The following FRAS1 variants were observed in gnomAD, a reference collection of about 807,000 sequenced individuals.
FRAS1 encodes extracellular matrix organizing protein FRAS1.
A neutral mutation model predicts 435.2 loss-of-function variants in FRAS1; 290 were observed. The observed-to-expected ratio is 0.67, with a 90% confidence interval of 0.61 to 0.73. The LOEUF is 0.73. Ranked by LOEUF, FRAS1 falls within the 30% of genes least tolerant of loss-of-function variation. FRAS1 has a pLI of 0.00. For missense variants in FRAS1, 4,860 were observed against 5,001.5 expected (o/e 0.97, Z 0.85); for synonymous variants, 1,800 against 1,851.0 (o/e 0.97, Z 0.71).
At chr4:78,171,416 G>GTATAATGTTT (rs764599395) in intron 2 of FRAS1, among the ~76,000 whole-genome samples, 1 of 152,064 alleles carries the variant, frequency 6.6e-6, no homozygotes, top group Non-Finnish European at 1.5e-5. Flanking sequence ...AAAATATATA[G>GTATAATGTTT]TATAATGTTT....
intron 2 of FRAS1, among the ~76,000 whole-genome samples, chr4:78,118,826 C>G (rs564306029): frequency 6.6e-6 from 1 of 152,304 alleles, no homozygotes; most frequent in East Asian, 1.9e-4. Flanking sequence ...ACTCACTGTC[C>G]TGCACCCACT....
At chr4:78,064,626 A>G (rs1465227535) in intron 1 of FRAS1, among the ~76,000 whole-genome samples, 3 of 152,066 alleles carry the variant, frequency 2.0e-5, no homozygotes, top group African/African-American at 7.2e-5. Flanking sequence ...AAAAAAAAGA[A>G]TATCAGGGAC....
At chr4:78,062,404 A>G (rs1739799875) in intron 1 of FRAS1, among the ~76,000 whole-genome samples, 1 of 152,204 alleles carries the variant, frequency 6.6e-6, no homozygotes, top group Non-Finnish European at 1.5e-5. Context: ...TTATAACACA[A>G]CATAAAGCCT....
chr4:78,391,412 C>T (rs1017933163), intron 29 of FRAS1, among the ~76,000 whole-genome samples: 4 of 152,160 alleles, frequency 2.6e-5, no homozygotes, highest in East Asian at 3.8e-4. Context: ...AACAGGCTTT[C>T]ATTAATTGGG....
intron 2 of FRAS1, among the ~76,000 whole-genome samples, chr4:78,117,478 G>T (rs547907307): frequency 6.6e-6 from 1 of 152,164 alleles, no homozygotes; most frequent in Admixed American, 6.5e-5. Context: ...CCAATCAGAC[G>T]TAGATTTGGT....
intron 14 of FRAS1, among the ~76,000 whole-genome samples, chr4:78,287,489 G>A (rs1727668273): frequency 6.6e-6 from 1 of 152,136 alleles, no homozygotes; most frequent in African/African-American, 2.4e-5. Flanking sequence ...GATAGACCAG[G>A]GGAAGGTCTT....
rs545662949 is a variant in FRAS1, at chr4:78,057,340, C to G, written c.-670C>G. 4.5e-4 allele frequency among the ~76,000 whole-genome samples: 69 copies of G among 152,264 alleles called. 1 individual carries two copies. The highest frequency in any genetic ancestry group is 1.4e-3 in the African/African-American group (59 of 41,560). ...CCCCCAGTCTTTCCTCTGAAGCTTC[C>G]GAACAGTCTGCTTCAGGGAGCGCAG... is the stretch of plus-strand genomic sequence containing the variant. On this transcript the variant is annotated 5_prime_UTR_variant, in exon 1 of 74. Transcript: ENST00000512123. This position sits in a 1 kb window ranked among gnomAD's most constrained non-coding sequence, Gnocchi z 4.2.
chr4:78,315,846 A>G, intron 16 of FRAS1, 112 bp downstream of exon 16: 1 of 1,166,676 alleles, frequency 8.6e-7, no homozygotes, highest in Non-Finnish European at 1.2e-6. Flanking sequence ...GGGAAAGCAT[A>G]ACTTTAAAAG....
intron 2 of FRAS1, among the ~76,000 whole-genome samples, chr4:78,118,095 C>T (rs1718761140): frequency 6.6e-6 from 1 of 152,200 alleles, no homozygotes; most frequent in Admixed American, 6.5e-5. Context: ...TGGAGGTCCA[C>T]TCCAGACCCT....
At chr4:78,117,412 T>C (rs1718670628) in intron 2 of FRAS1, among the ~76,000 whole-genome samples, 1 of 152,226 alleles carries the variant, frequency 6.6e-6, no homozygotes, top group South Asian at 2.1e-4. Context: ...TCTTGGATAA[T>C]ATCCTGCAGA....
chr4:78,095,605 C>T (rs1741761490), intron 2 of FRAS1, among the ~76,000 whole-genome samples: 1 of 152,178 alleles, frequency 6.6e-6, no homozygotes, highest in Admixed American at 6.5e-5. Flanking sequence ...GTGGAGGAGT[C>T]CTCACAATCA....
chr4:78,324,565 A>C (rs1729640976), intron 18 of FRAS1, among the ~76,000 whole-genome samples: 1 of 152,078 alleles, frequency 6.6e-6, no homozygotes, highest in South Asian at 2.1e-4. Flanking sequence ...GCATATATCT[A>C]CTCCTACTTT....
chr4:78,205,253 G>A (rs1279129928), intron 2 of FRAS1, among the ~76,000 whole-genome samples: 1 of 150,054 alleles, frequency 6.7e-6, no homozygotes, highest in Non-Finnish European at 1.5e-5. Context: ...TCAGGCTGGA[G>A]TGCAGTGCTG....
At chr4:78,287,145 G>GGAGAGA (rs1250321542) in intron 14 of FRAS1, among the ~76,000 whole-genome samples, 2,035 of 151,672 alleles carry the variant, frequency 0.013, 51 homozygotes, top group African/African-American at 0.046. Flanking sequence ...CATGGTGTCT[G>GGAGAGA]GAGAGAGAGA....
At chr4:78,434,668 A>G (rs1448872195) in intron 38 of FRAS1, among the ~76,000 whole-genome samples, 2 of 152,188 alleles carry the variant, frequency 1.3e-5, no homozygotes, top group Admixed American at 6.5e-5. Flanking sequence ...AGTATTAGAA[A>G]AAAAGGAGAA....
In FRAS1 at chr4:78,482,396, C is replaced by G. The variant is rs758106272; in HGVS notation, c.8613C>G (p.Thr2871=). 1.2e-5 allele frequency: 20 copies of G among 1,613,656 alleles called. No homozygotes were observed. The highest frequency in any genetic ancestry group is 6.7e-5 in the Admixed American group (4 of 59,986). Residue 2871 remains threonine, a synonymous_variant, in exon 58 of 74, where the codon ACC becomes ACG. Coordinates refer to ENST00000512123, the MANE Select transcript of FRAS1 (RefSeq NM_025074.7). ...TTTGGTTTCTCTTCTAGTATTGCAC[C>G]TTGACTATCTTGGATGACACTCAGT... ...FGPGVIEQYC[T]LTILDDTQYP...
At chr4:78,259,965 A>G (rs1028501431) in intron 6 of FRAS1, among the ~76,000 whole-genome samples, 3 of 152,196 alleles carry the variant, frequency 2.0e-5, no homozygotes, top group African/African-American at 7.2e-5. Flanking sequence ...TAAATAGGGA[A>G]TCCTTTCCCC....
chr4:78,440,482 A>G (rs1367975989), intron 40 of FRAS1, among the ~76,000 whole-genome samples: 1 of 152,152 alleles, frequency 6.6e-6, no homozygotes, highest in Non-Finnish European at 1.5e-5. Flanking sequence ...GTTAGCCAAG[A>G]GTTGTTCAGG....
At chr4:78,183,706 C>T (rs1722144284) in intron 2 of FRAS1, among the ~76,000 whole-genome samples, 1 of 141,970 alleles carries the variant, frequency 7.0e-6, no homozygotes, top group Non-Finnish European at 1.6e-5. Flanking sequence ...TAGGATTTAT[C>T]TTTTTTCTCC....
Sources: allele counts gnomAD v4.1 joint callset (sites outside exome capture counted in the v4.1 genomes callset), GRCh38; gene constraint gnomAD v4.1.1; non-coding constraint Gnocchi (gnomAD v3.1); transcripts MANE v1.5; gene names NCBI Gene and HGNC (gene_info 2026-07-23, HGNC 2026-07-21).